Variants in ATP8A2 observed in about 807,000 individuals in gnomAD.
ATP8A2 encodes phospholipid-transporting ATPase IB.
In ATP8A2, 100 loss-of-function variants were observed where a neutral mutation model predicts 165.6. The observed-to-expected ratio is 0.60, with a 90% CI of 0.51 to 0.71. The LOEUF is 0.71. Among genes scored for constraint, ATP8A2 ranks in the 30% least tolerant of loss-of-function variants. The pLI is 0.00. For synonymous variants in ATP8A2, 543 were observed against 548.8 expected, an observed-to-expected ratio of 0.99 and a Z score of 0.15; for missense variants, 1,227 against 1,479.5, an observed-to-expected ratio of 0.83 and a Z score of 2.80.
chr13:25,951,525 A>G (rs928583784), intron 33 of ATP8A2, among the ~76,000 whole-genome samples: 2 of 152,210 alleles, frequency 1.3e-5, no homozygotes, highest in African/African-American at 4.8e-5. Flanking sequence ...GCTTTCTGGG[A>G]TAATGGAAAT....
chr13:25,491,107 T>C (rs1035327611), intron 2 of ATP8A2, among the ~76,000 whole-genome samples: 1 of 152,204 alleles, frequency 6.6e-6, no homozygotes, highest in Non-Finnish European at 1.5e-5. Flanking sequence ...ACACATATAT[T>C]CTTCAATGTA....
At chr13:25,804,914 A>T (rs1385852884) in intron 27 of ATP8A2, among the ~76,000 whole-genome samples, 1 of 152,176 alleles carries the variant, frequency 6.6e-6, no homozygotes, top group Admixed American at 6.6e-5. Flanking sequence ...AAATGGTTAA[A>T]CACTGCCAGC....
chr13:25,771,623 T>C (rs191682089), intron 26 of ATP8A2, among the ~76,000 whole-genome samples: 1 of 152,316 alleles, frequency 6.6e-6, no homozygotes, highest in East Asian at 1.9e-4. Flanking sequence ...AGCGAGGCTT[T>C]AAAACGCCAT....
At chr13:25,930,492 G>A (rs746399178) in intron 33 of ATP8A2, among the ~76,000 whole-genome samples, 34 of 152,096 alleles carry the variant, frequency 2.2e-4, no homozygotes, top group Non-Finnish European at 4.0e-4. Flanking sequence ...ACCTTCTGGG[G>A]GACTCAGCTC....
chr13:25,791,542 TACACACACACACAC>T (rs55661899), intron 27 of ATP8A2, among the ~76,000 whole-genome samples: 2 of 142,982 alleles, frequency 1.4e-5, no homozygotes, highest in African/African-American at 5.2e-5. Context: ...CACACACACA[TACACACACACACAC>T]ACACACACAC....
At chr13:25,684,949 C>T (rs2042569878) in intron 24 of ATP8A2, among the ~76,000 whole-genome samples, 1 of 152,144 alleles carries the variant, frequency 6.6e-6, no homozygotes, top group African/African-American at 2.4e-5. Context: ...ATAATTTAAA[C>T]CTTGAAAGTT....
intron 8 of ATP8A2, 41 bp downstream of exon 8, chr13:25,540,429 C>G (rs1199573879): frequency 1.4e-6 from 2 of 1,383,344 alleles, no homozygotes; most frequent in Non-Finnish European, 2.1e-6. Flanking sequence ...ATGGTAGACA[C>G]AACTGCAAAT....
rs150629913 is a variant in ATP8A2 at position 25,755,781 on chromosome 13, T to C, written c.2385-13265T>C. On this transcript the variant is annotated intron_variant, in intron 25 of 36. Coordinates refer to ENST00000381655, the MANE Select transcript of ATP8A2 (RefSeq NM_016529.6). ...AATTAGCTGGGCATGGTGGCGGGCATGTATAATCCCAGCTACTTGGGAGGC... is the reference window on the plus strand; with the variant it reads ...AATTAGCTGGGCATGGTGGCGGGCACGTATAATCCCAGCTACTTGGGAGGC... Among the ~76,000 whole-genome samples the C allele has an allele frequency of 9.5e-3, 1,439 of 151,906 alleles. 28 individuals are homozygous for C. The highest frequency in any genetic ancestry group is 0.033 in the African/African-American group (1,368 of 41,422).
At chr13:25,470,473 C>T (rs2137529008) in intron 2 of ATP8A2, among the ~76,000 whole-genome samples, 1 of 152,278 alleles carries the variant, frequency 6.6e-6, no homozygotes, top group South Asian at 2.1e-4. Flanking sequence ...TCATGCATTA[C>T]TGATGGGGAT....
chr13:25,469,290 TTCC>T (rs1210171405), intron 2 of ATP8A2, among the ~76,000 whole-genome samples, 169 bp downstream of exon 2: 1 of 143,564 alleles, frequency 7.0e-6, no homozygotes, highest in East Asian at 2.2e-4. Flanking sequence ...AGCCCCGCGC[TTCC>T]AGTAGGGTCA....
At chr13:25,820,484 C>A (rs1440103584) in intron 27 of ATP8A2, among the ~76,000 whole-genome samples, 2 of 152,042 alleles carry the variant, frequency 1.3e-5, no homozygotes, top group Non-Finnish European at 2.9e-5. Flanking sequence ...CCCATTAGTC[C>A]AAGAGTAAAA....
At chr13:25,568,447 A>T (rs754118249) in intron 16 of ATP8A2, among the ~76,000 whole-genome samples, 2 of 152,224 alleles carry the variant, frequency 1.3e-5, no homozygotes, top group Non-Finnish European at 2.9e-5. Context: ...AATTCACCGA[A>T]TAAGTAGAAA....
intron 24 of ATP8A2, among the ~76,000 whole-genome samples, chr13:25,630,824 G>A (rs1448357100): frequency 6.6e-6 from 1 of 151,588 alleles, no homozygotes; most frequent in Admixed American, 6.6e-5. Context: ...AAAGGCAACT[G>A]CATCATCTAT....
chr13:25,622,267 A>G (rs1031991405), intron 24 of ATP8A2, among the ~76,000 whole-genome samples: 1 of 152,060 alleles, frequency 6.6e-6, no homozygotes, highest in Non-Finnish European at 1.5e-5. Context: ...AGATGTGTCA[A>G]TAGAGCTAAG....
intron 1 of ATP8A2, among the ~76,000 whole-genome samples, chr13:25,388,558 G>A (rs2033138250): frequency 6.6e-6 from 1 of 152,148 alleles, no homozygotes; most frequent in African/African-American, 2.4e-5. Context: ...TTAGAATGGA[G>A]CAGAACAGGA....
intron 24 of ATP8A2, among the ~76,000 whole-genome samples, chr13:25,684,534 C>T (rs1162063709): frequency 1.3e-5 from 2 of 152,136 alleles, no homozygotes; most frequent in Non-Finnish European, 1.5e-5. Flanking sequence ...GGTGAAAGCA[C>T]AAAATTAGAA....
chr13:25,529,942 T>C (rs991367645), intron 2 of ATP8A2, 57 bp from the exon 3 acceptor site: 2 of 969,034 alleles, frequency 2.1e-6, no homozygotes, highest in Admixed American at 4.5e-5. Context: ...TGTCCTGTTC[T>C]TGTGTTTTAG....
intron 2 of ATP8A2, among the ~76,000 whole-genome samples, chr13:25,512,764 G>A (rs1336247785): frequency 6.9e-6 from 1 of 145,656 alleles, no homozygotes; most frequent in African/African-American, 2.5e-5. Context: ...CCCGGATGGG[G>A]CGGCTGGCCA....
chr13:25,723,282 A>T (rs1228640159), intron 25 of ATP8A2, among the ~76,000 whole-genome samples: 3 of 152,188 alleles, frequency 2.0e-5, no homozygotes, highest in African/African-American at 7.2e-5. Context: ...GTTTATAAAA[A>T]TTTCCTTAGA....
Sources: allele counts gnomAD v4.1 joint callset (sites outside exome capture counted in the v4.1 genomes callset), GRCh38; gene constraint gnomAD v4.1.1; transcripts MANE v1.5; gene names NCBI Gene and HGNC (gene_info 2026-07-23, HGNC 2026-07-21).